The following FILIP1L variants were observed in gnomAD, a reference collection of about 807,000 sequenced individuals.
The protein encoded by FILIP1L is filamin A interacting protein 1 like, also known as filamin A-interacting protein 1-like.
Under a neutral mutation model 96.6 loss-of-function variants are expected in FILIP1L, and 55 were observed. That is an observed-to-expected ratio of 0.57 (90% CI 0.46 to 0.71). The LOEUF is 0.71. Ranked by LOEUF, FILIP1L falls within the 30% of genes least tolerant of loss-of-function variation. FILIP1L has a pLI of 0.00. For synonymous variants in FILIP1L, 467 were observed against 473.9 expected, an observed-to-expected ratio of 0.99 and a Z score of 0.19; for missense variants, 1,304 against 1,321.2, an observed-to-expected ratio of 0.99 and a Z score of 0.20.
At chr3:99,883,977 G>A (rs1488757221) in intron 4 of FILIP1L, among the ~76,000 whole-genome samples, 2 of 152,050 alleles carry the variant, frequency 1.3e-5, no homozygotes, top group African/African-American at 2.4e-5. Context: ...GGATTTAGGG[G>A]GTAAACAGTA....
At chr3:99,966,518 G>C (rs1708656760) in intron 1 of FILIP1L, among the ~76,000 whole-genome samples, 1 of 152,130 alleles carries the variant, frequency 6.6e-6, no homozygotes, top group African/African-American at 2.4e-5. Context: ...ATAGTACGGA[G>C]ACTTAGACTG....
At chr3:99,883,539 A>G (rs1190702891) in intron 4 of FILIP1L, among the ~76,000 whole-genome samples, 1 of 152,062 alleles carries the variant, frequency 6.6e-6, no homozygotes, top group East Asian at 1.9e-4. Flanking sequence ...GGGGTGTTGT[A>G]TAAACAGATT....
At position 99,983,389 on chromosome 3, in the gene FILIP1L, A is replaced by AATAAATATAT. The variant is rs1302972402; in HGVS notation, c.-10-52360_-10-52359insATATATTTAT. On this transcript the variant is annotated intron_variant, in intron 1 of 5. Transcript: ENST00000477258. The stretch of plus-strand genomic sequence containing the variant: ...TCTCTACTTAAAAAATAAATAAATA[A>AATAAATATAT]ATATATATATATATATATATATATA... Among the ~76,000 whole-genome samples, 37 of 40,788 alleles carry AATAAATATAT rather than the reference A, an allele frequency of 9.1e-4. 1 individual carries two copies. Among genetic ancestry groups the AATAAATATAT allele is most frequent in the Middle Eastern group, 0.016 (1 of 64 alleles). 26.8% of individuals were successfully genotyped at this position (40,788 alleles called of 152,430 possible). A position where few individuals can be genotyped will look rare whatever the true frequency, so the allele number is the denominator to read the frequency against.
chr3:99,831,188 T>TA (rs1942657781), intron 5 of FILIP1L, among the ~76,000 whole-genome samples: 1 of 152,234 alleles, frequency 6.6e-6, no homozygotes, highest in South Asian at 2.1e-4. Flanking sequence ...TAGGATGTGT[T>TA]AAATGAATTA....
At chr3:99,882,488 G>T (rs1346358602) in intron 4 of FILIP1L, among the ~76,000 whole-genome samples, 1 of 152,186 alleles carries the variant, frequency 6.6e-6, no homozygotes, top group African/African-American at 2.4e-5. Context: ...GGTGTGCTTA[G>T]AGTTTTATTA....
chr3:99,878,991 G>A (rs1705631230), intron 4 of FILIP1L, among the ~76,000 whole-genome samples: 1 of 152,150 alleles, frequency 6.6e-6, no homozygotes, highest in Non-Finnish European at 1.5e-5. Flanking sequence ...TATGATCACT[G>A]TGCCTCAAAA....
At chr3:99,906,957 G>A (rs897036416) in intron 4 of FILIP1L, among the ~76,000 whole-genome samples, 7 of 152,206 alleles carry the variant, frequency 4.6e-5, no homozygotes, top group African/African-American at 1.7e-4. Context: ...TCATGGAGCA[G>A]AACGACTTTT....
intron 1 of FILIP1L, among the ~76,000 whole-genome samples, chr3:100,030,536 T>C (rs1329223952): frequency 6.6e-6 from 1 of 152,226 alleles, no homozygotes; most frequent in Non-Finnish European, 1.5e-5. Context: ...TCTCAGAACC[T>C]GTTTTCCCGT....
intron 1 of FILIP1L, among the ~76,000 whole-genome samples, chr3:99,962,240 A>G (rs1486622594): frequency 6.6e-6 from 1 of 152,054 alleles, no homozygotes; most frequent in Non-Finnish European, 1.5e-5. Flanking sequence ...AGGAGTGGGG[A>G]AAACAGATGC....
intron 4 of FILIP1L, among the ~76,000 whole-genome samples, chr3:99,921,357 A>G (rs1559688566): frequency 6.6e-6 from 1 of 152,126 alleles, no homozygotes; most frequent in Admixed American, 6.6e-5. Flanking sequence ...TTTGATGCAC[A>G]TGGCCTTAAA....
At position 100,095,872 on chromosome 3, in the gene FILIP1L, C is replaced by T. The variant is rs141813823; in HGVS notation, c.-11+18181G>A. 5.7e-3 allele frequency among the ~76,000 whole-genome samples: 874 copies of T among 152,236 alleles called. 11 individuals carry two copies. The highest frequency in any genetic ancestry group is 0.016 in the African/African-American group (674 of 41,526). On this transcript the variant is annotated intron_variant, in intron 1 of 5. Transcript: ENST00000477258. ...GAGAAAATATTTGCAAACTACCCAT[C>T]TGACAAGAGATTAATAACTGCAGTA...
chr3:100,102,147 T>G (rs1434948368), intron 1 of FILIP1L, among the ~76,000 whole-genome samples: 3 of 152,152 alleles, frequency 2.0e-5, no homozygotes, highest in East Asian at 1.9e-4. Flanking sequence ...GTAATGGGAT[T>G]GCTGGGTCAA....
intron 4 of FILIP1L, among the ~76,000 whole-genome samples, chr3:99,869,647 C>T (rs902420609): frequency 6.6e-6 from 1 of 152,168 alleles, no homozygotes. Context: ...GCTCCTGGAC[C>T]AGGCAACTCC....
At chr3:100,056,197 T>C (rs1444667590) in intron 1 of FILIP1L, among the ~76,000 whole-genome samples, 1 of 152,204 alleles carries the variant, frequency 6.6e-6, no homozygotes, top group Admixed American at 6.5e-5. Flanking sequence ...CCAAATATTA[T>C]TACCAGCTGA....
chr3:99,937,286 T>G (rs948639368), intron 1 of FILIP1L, among the ~76,000 whole-genome samples: 15 of 152,230 alleles, frequency 9.9e-5, no homozygotes, highest in African/African-American at 3.6e-4. Context: ...GAATTCTGAG[T>G]ATCCAAAATT....
chr3:100,050,854 G>A (rs562049827), intron 1 of FILIP1L, among the ~76,000 whole-genome samples: 20 of 152,048 alleles, frequency 1.3e-4, no homozygotes, highest in African/African-American at 4.8e-4. Context: ...TTAAATTAGC[G>A]GCTTTAACTT....
intron 1 of FILIP1L, chr3:100,040,207 T>C (rs2065180438): frequency 6.6e-6 from 1 of 152,164 alleles, no homozygotes; most frequent in African/African-American, 2.4e-5. Context: ...GGTAACCATC[T>C]CTTACCACTT....
intron 4 of FILIP1L, among the ~76,000 whole-genome samples, chr3:99,913,643 A>G (rs749553642): frequency 5.3e-5 from 8 of 152,230 alleles, no homozygotes; most frequent in Non-Finnish European, 7.3e-5. Flanking sequence ...TTGCTGATAT[A>G]TGCTTGTAAT....
At chr3:100,060,581 G>A (rs868142504) in intron 1 of FILIP1L, among the ~76,000 whole-genome samples, 20 of 152,044 alleles carry the variant, frequency 1.3e-4, no homozygotes, top group African/African-American at 3.1e-4. Flanking sequence ...GGGGCTCGGC[G>A]CAGTGGCTCA....
Sources: gnomAD v4.1 joint callset for allele counts (sites outside exome capture counted in the v4.1 genomes callset) on GRCh38, gnomAD v4.1.1 for gene constraint, MANE v1.5 for transcripts, NCBI Gene and HGNC (gene_info 2026-07-23, HGNC 2026-07-21) for gene names.